The following NBEA variants were observed in gnomAD, a reference collection of about 807,000 sequenced individuals.
The protein encoded by NBEA is neurobeachin.
In NBEA, 44 loss-of-function variants were observed where a neutral mutation model predicts 343.4. That is an observed-to-expected ratio of 0.13 (90% CI 0.10 to 0.16). NBEA has a LOEUF of 0.16. Among genes scored for constraint, NBEA ranks in the 10% least tolerant of loss-of-function variants. The pLI, the probability that NBEA is intolerant of heterozygous loss-of-function variation, is 1.00. For missense variants in NBEA, 2,555 were observed against 3,631.3 expected, an observed-to-expected ratio of 0.70 and a Z score of 7.62; for synonymous variants, 1,175 against 1,238.7, an observed-to-expected ratio of 0.95 and a Z score of 1.08.
chr13:35,525,979 G>T (rs969338902), intron 41 of NBEA, among the ~76,000 whole-genome samples: 2 of 152,250 alleles, frequency 1.3e-5, no homozygotes, highest in Non-Finnish European at 1.5e-5. Flanking sequence ...AGACACGAAC[G>T]TTCGGACCAT....
At chr13:35,210,823 G>C (rs1211430104) in intron 32 of NBEA, among the ~76,000 whole-genome samples, 1 of 151,980 alleles carries the variant, frequency 6.6e-6, no homozygotes, top group Non-Finnish European at 1.5e-5. Context: ...CCCATTTGTA[G>C]TATGTAGTTT....
intron 34 of NBEA, among the ~76,000 whole-genome samples, chr13:35,269,656 T>G (rs1266573830): frequency 1.3e-5 from 2 of 152,114 alleles, no homozygotes; most frequent in African/African-American, 4.8e-5. Flanking sequence ...AAACAGACCA[T>G]TCGTTGGAGA....
intron 36 of NBEA, among the ~76,000 whole-genome samples, chr13:35,310,937 C>G (rs2152833539): frequency 6.6e-6 from 1 of 152,172 alleles, no homozygotes; most frequent in Middle Eastern, 3.4e-3. Context: ...TTTTTTATCA[C>G]TGTATTATAT....
intron 1 of NBEA, among the ~76,000 whole-genome samples, chr13:35,024,034 C>T (rs772042589): frequency 6.6e-6 from 1 of 152,174 alleles, no homozygotes; most frequent in Non-Finnish European, 1.5e-5. Context: ...TGTCCACATG[C>T]ACTCCATGTT....
At chr13:35,419,821 G>A (rs2044162512) in intron 38 of NBEA, among the ~76,000 whole-genome samples, 1 of 151,916 alleles carries the variant, frequency 6.6e-6, no homozygotes, top group Non-Finnish European at 1.5e-5. Flanking sequence ...AACCTGAGGT[G>A]CAGTCTAAAA....
At chr13:35,563,980 C>T (rs1259716311) in intron 44 of NBEA, among the ~76,000 whole-genome samples, 1 of 151,784 alleles carries the variant, frequency 6.6e-6, no homozygotes, top group African/African-American at 2.4e-5. Flanking sequence ...TACTTTGTCA[C>T]CCAGGTGATA....
chr13:35,449,078 A>G (rs571019445), intron 39 of NBEA, among the ~76,000 whole-genome samples: 7 of 152,332 alleles, frequency 4.6e-5, no homozygotes, highest in Admixed American at 1.3e-4. Context: ...TTTGGAAGCT[A>G]TAAGTGGTCC....
intron 52 of NBEA, among the ~76,000 whole-genome samples, chr13:35,651,325 G>C (rs144195151): frequency 1.3e-5 from 2 of 152,024 alleles, no homozygotes; most frequent in East Asian, 3.9e-4. Context: ...TTGGATGGGA[G>C]CCCCAGCTTC....
At chr13:34,947,652 A>G (rs2059226915) in intron 1 of NBEA, among the ~76,000 whole-genome samples, 1 of 152,164 alleles carries the variant, frequency 6.6e-6, no homozygotes, top group South Asian at 2.1e-4. Flanking sequence ...TGTGAACTCC[A>G]TGAGGGCAGG....
intron 48 of NBEA, among the ~76,000 whole-genome samples, chr13:35,623,588 T>A (rs1472834861): frequency 1.3e-5 from 2 of 152,128 alleles, no homozygotes; most frequent in Non-Finnish European, 2.9e-5. Flanking sequence ...TGATTCACTA[T>A]GCTGCCTCTC....
intron 41 of NBEA, chr13:35,476,094 G>A: frequency 6.2e-7 from 1 of 1,614,176 alleles, no homozygotes; most frequent in African/African-American, 1.3e-5. Context: ...TTTCGTTGTA[G>A]TATTTATTCA....
At chr13:35,210,549 G>T (rs1344213372) in intron 32 of NBEA, among the ~76,000 whole-genome samples, 3 of 152,068 alleles carry the variant, frequency 2.0e-5, no homozygotes, top group Non-Finnish European at 4.4e-5. Context: ...ATTGAGGGAA[G>T]ACTCATTATT....
chr13:35,352,580 G>A (rs921554490), intron 38 of NBEA, among the ~76,000 whole-genome samples: 10 of 151,982 alleles, frequency 6.6e-5, no homozygotes, highest in African/African-American at 2.4e-4. Context: ...AATATGGTTA[G>A]GCAAGTATTT....
At chr13:35,652,387 T>C (rs943932457) in intron 53 of NBEA, among the ~76,000 whole-genome samples, 5 of 149,112 alleles carry the variant, frequency 3.4e-5, no homozygotes, top group African/African-American at 1.2e-4. Context: ...ACTCCTGTAA[T>C]CCCAGTACTT....
chr13:35,264,223 A>C (rs1483178564), intron 34 of NBEA, among the ~76,000 whole-genome samples: 1 of 151,886 alleles, frequency 6.6e-6, no homozygotes, highest in African/African-American at 2.4e-5. Context: ...GAAATAGAAA[A>C]TCTGAACAGA....
chr13:35,312,167 A>G (rs759266792), intron 36 of NBEA, among the ~76,000 whole-genome samples: 1 of 152,196 alleles, frequency 6.6e-6, no homozygotes, highest in Admixed American at 6.5e-5. Flanking sequence ...ATGAACACAT[A>G]CAGTAATACA....
intron 38 of NBEA, among the ~76,000 whole-genome samples, chr13:35,371,620 G>C (rs115011856): frequency 4.6e-5 from 7 of 151,736 alleles, no homozygotes; most frequent in African/African-American, 1.7e-4. Context: ...CTTTTTCTTT[G>C]GAATTTCCTG....
chr13:35,377,867 G>A (rs1342226959), intron 38 of NBEA, among the ~76,000 whole-genome samples: 1 of 152,094 alleles, frequency 6.6e-6, no homozygotes, highest in Non-Finnish European at 1.5e-5. Flanking sequence ...ATATACACAG[G>A]TACATAAGCT....
At chr13:35,074,569 C>G (rs907741443) in intron 10 of NBEA, among the ~76,000 whole-genome samples, 1 of 152,090 alleles carries the variant, frequency 6.6e-6, no homozygotes, top group Non-Finnish European at 1.5e-5. Flanking sequence ...AATTTGGGCT[C>G]AAATCCCTGT....
Sources: allele counts gnomAD v4.1 joint callset (sites outside exome capture counted in the v4.1 genomes callset), GRCh38; gene constraint gnomAD v4.1.1; transcripts MANE v1.5; gene names NCBI Gene and HGNC (gene_info 2026-07-23, HGNC 2026-07-21).